GGT1: variants seen among roughly 807,000 people sequenced by gnomAD.
GGT1 encodes gamma-glutamyltransferase 1.
A neutral mutation model predicts 56.0 loss-of-function variants in GGT1; 21 were observed. That is an observed-to-expected ratio of 0.38 (90% CI 0.27 to 0.54). GGT1 has a LOEUF of 0.54. GGT1 is among the 20% of genes least tolerant of loss of function. The pLI, the probability that GGT1 is intolerant of heterozygous loss-of-function variation, is 0.82. For synonymous variants in GGT1, 238 were observed against 342.6 expected (o/e 0.69, Z 3.37); for missense variants, 466 against 787.0 (o/e 0.59, Z 4.88).
rs1006388705 is a variant in GGT1, at chr22:24,611,349, G to A, written c.164+104G>A. 48 of 760,068 alleles carry A rather than the reference G, an allele frequency of 6.3e-5. No individual in the cohort carries two copies. The Middle Eastern group carries it at 1.1e-3, about 17-fold the overall frequency. 47.1% of individuals were successfully genotyped at this position (760,068 alleles called of 1,614,324 possible). ...CTCAGTTTCCCCATGTGTAAGCTTCGCTTGGACTCTCTCAGTAGCCTTTGG... is the reference window on the plus strand; with the variant it reads ...CTCAGTTTCCCCATGTGTAAGCTTCACTTGGACTCTCTCAGTAGCCTTTGG... On this transcript the variant is annotated intron_variant, in intron 5 of 15. Transcript: ENST00000400382.
intron 1 of GGT1, among the ~76,000 whole-genome samples, chr22:24,595,645 TGATGGG>T (rs777648328): frequency 9.2e-5 from 14 of 152,180 alleles, no homozygotes; most frequent in Non-Finnish European, 1.8e-4. Flanking sequence ...CCTCAGGCCC[TGATGGG>T]AACGTACTAG....
the GGT1 span, chr22:24,588,236 G>A: frequency 1.5e-4 from 240 of 1,613,106 alleles, no homozygotes; most frequent in Admixed American, 2.0e-4. Context: ...TTCCTCTGGC[G>A]CAGGCTGGAC....
At chr22:24,588,330 C>G in the GGT1 span, 1 of 1,609,138 alleles carries the variant, frequency 6.2e-7, no homozygotes, top group Non-Finnish European at 8.5e-7. Context: ...GCTCATAGTC[C>G]TGTGGGAGGG....
chr22:24,595,503 C>G (rs2045677499), intron 1 of GGT1, among the ~76,000 whole-genome samples: 1 of 152,230 alleles, frequency 6.6e-6, no homozygotes, highest in Non-Finnish European at 1.5e-5. Flanking sequence ...ATGTTGTCCT[C>G]TCAGTTCCCG....
intron 6 of GGT1, 67 bp downstream of exon 6, chr22:24,614,973 C>T (rs372038308): frequency 5.3e-5 from 59 of 1,105,014 alleles, no homozygotes; most frequent in Admixed American, 1.2e-4. Context: ...CACAGCTGGG[C>T]GGTCCCCAGG....
At chr22:24,589,260 G>A in the GGT1 span, 12 of 1,267,418 alleles carry the variant, frequency 9.5e-6, no homozygotes, top group Non-Finnish European at 1.2e-5. Context: ...ATGGGGTTCT[G>A]GGCAGCTGTG....
In GGT1 at chr22:24,627,041, G is replaced by A. The variant is rs912207429; in HGVS notation, c.1021-391G>A. 4.2e-5 allele frequency: 16 copies of A among 380,866 alleles called. No homozygotes were observed. In the East Asian group the frequency reaches 9.0e-4, roughly 21 times the overall value. 23.6% of individuals were successfully genotyped at this position (380,866 alleles called of 1,614,324 possible). A position where few individuals can be genotyped will look rare whatever the true frequency, so the allele number is the denominator to read the frequency against. The stretch of plus-strand genomic sequence containing the variant: ...CCTCTTGATTCCCCTTACCTGGCTT[G>A]TGGTTTCAGCACTTTCCCTGTGTGT... On this transcript the variant is annotated intron_variant, in intron 11 of 15. Coordinates refer to ENST00000400382, the MANE Select transcript of GGT1 (RefSeq NM_001288833.2).
At chr22:24,607,107 G>T (rs945088086) in intron 1 of GGT1, among the ~76,000 whole-genome samples, 26 of 152,234 alleles carry the variant, frequency 1.7e-4, no homozygotes, top group Admixed American at 1.3e-4. Flanking sequence ...GCTGGGCTCT[G>T]TGAGCTTGGG....
In GGT1 at chr22:24,627,514, A is replaced by G. The variant is rs542602406; in HGVS notation, c.1103A>G (p.Tyr368Cys). The G allele has an allele frequency of 1.6e-5, 26 of 1,577,400 alleles. 1 individual carries two copies. The Middle Eastern group carries it at 6.9e-4, about 42-fold the overall frequency. ...GACGACACCACTCACCCGATCTCCT[A>G]CTACAAGCCCGAGTTCTACACGCCG... ...ISDDTTHPIS[Y>C]YKPEFYTPDD... The change falls in exon 12 of 16, where the codon TAC becomes TGC. Residue 368 changes from tyrosine (Y) to cysteine (C), a missense_variant. Around this residue, in one of 2 missense-constraint regions of GGT1, gnomAD observed 456 missense variants for 716.7 expected, o/e 0.64. Coordinates refer to ENST00000400382, the MANE Select transcript of GGT1 (RefSeq NM_001288833.2).
At chr22:24,607,468 C>G (rs2046393584) in intron 1 of GGT1, among the ~76,000 whole-genome samples, 1 of 152,192 alleles carries the variant, frequency 6.6e-6, no homozygotes, top group Non-Finnish European at 1.5e-5. Context: ...GGAACTGAGT[C>G]TGAAAGGAAG....
At chr22:24,621,770 G>T (rs1185667385) in intron 9 of GGT1, among the ~76,000 whole-genome samples, 2 of 152,180 alleles carry the variant, frequency 1.3e-5, no homozygotes, top group Non-Finnish European at 2.9e-5. Context: ...GGCCCTCTGA[G>T]CCAGGCGCGG....
intron 1 of GGT1, among the ~76,000 whole-genome samples, chr22:24,596,914 CAA>C (rs78452000): frequency 0.31 from 19,063 of 61,462 alleles, 509 homozygotes; most frequent in Middle Eastern, 0.4. Context: ...GACTCTGTCT[CAA>C]AAAAAAAAAA....
upstream of GGT1, among the ~76,000 whole-genome samples, chr22:24,593,559 A>G (rs1307193714): frequency 1.3e-5 from 2 of 152,190 alleles, no homozygotes; most frequent in Non-Finnish European, 2.9e-5. Flanking sequence ...GGGCCGAGGC[A>G]GGCGGAATCT....
chr22:24,628,074 G>A lies in GGT1; in HGVS notation c.1337-7G>A. On this transcript the variant is annotated splice_polypyrimidine_tract_variant and splice_region_variant and intron_variant, in intron 13 of 15. Transcript: ENST00000400382. The surrounding 1 kb of genome is among the most constrained non-coding windows in gnomAD (Gnocchi z 5.7). ...CGGGCATCCCTGTCTTCTCCCATCG[G>A]CCGCAGGGAAGCAGCCGCTCTCGTC... 6.2e-7 allele frequency: 1 copy of A among 1,611,808 alleles called. No individual in the cohort carries two copies. Among genetic ancestry groups the A allele is most frequent in the Non-Finnish European group, 8.5e-7 (1 of 1,179,830 alleles).
At chr22:24,587,754 T>C in the GGT1 span, among the ~76,000 whole-genome samples, 2 of 152,152 alleles carry the variant, frequency 1.3e-5, no homozygotes, top group African/African-American at 2.4e-5. Context: ...CCCAACAAGG[T>C]ACAGGAAAAT....
the GGT1 span, chr22:24,586,414 A>G: frequency 6.2e-7 from 1 of 1,605,974 alleles, no homozygotes; most frequent in Non-Finnish European, 8.5e-7. Flanking sequence ...TCTTGAGGCT[A>G]TGGGAGAGTG....
chr22:24,628,670 T>G lies in GGT1; in HGVS notation c.1564-23T>G. On this transcript the variant is annotated intron_variant, in intron 15 of 15. Transcript: ENST00000400382. This position sits in a 1 kb window ranked among gnomAD's most constrained non-coding sequence, Gnocchi z 5.7. The stretch of plus-strand genomic sequence containing the variant: ...GTGGCATCTGGAGCCCTGCTCAGGC[T>G]TCCCCTCTCCTCCCACCCCCAGGCA... 6.2e-7 allele frequency: 1 copy of G among 1,610,894 alleles called. No individual in the cohort carries two copies. Among genetic ancestry groups the G allele is most frequent in the Non-Finnish European group, 8.5e-7 (1 of 1,179,834 alleles).
At chr22:24,587,895 G>A in the GGT1 span, among the ~76,000 whole-genome samples, 1 of 152,166 alleles carries the variant, frequency 6.6e-6, no homozygotes, top group East Asian at 1.9e-4. Flanking sequence ...TGCCTACTGA[G>A]GTCACCTTGG....
At chr22:24,605,652 ATAATGTGTATTATATATT>A (rs2046161136) in intron 1 of GGT1, among the ~76,000 whole-genome samples, 2 of 45,136 alleles carry the variant, frequency 4.4e-5, no homozygotes, top group South Asian at 7.1e-4. Flanking sequence ...ATAATATTAT[ATAATGTGTATTATATATT>A]TAATATTATA....
Sources: gnomAD v4.1 joint callset for allele counts (sites outside exome capture counted in the v4.1 genomes callset) on GRCh38, gnomAD v4.1.1 for gene constraint, gnomAD v4.1.1 regional missense constraint, Gnocchi (gnomAD v3.1) non-coding constraint, MANE v1.5 for transcripts, NCBI Gene and HGNC (gene_info 2026-07-23, HGNC 2026-07-21) for gene names.